The following SLC12A7 variants were observed in gnomAD, a reference collection of about 807,000 sequenced individuals.
The protein encoded by SLC12A7 is K-Cl cotransporter 4.
In SLC12A7, 100 loss-of-function variants were observed where a neutral mutation model predicts 120.6. The ratio of observed to expected loss-of-function variants is 0.83; its 90% CI spans 0.71 to 0.98. The LOEUF (loss-of-function observed/expected upper bound fraction) is 0.98. SLC12A7 is among the 50% of genes least tolerant of loss of function. SLC12A7 has a pLI of 0.00. For synonymous variants in SLC12A7, 760 were observed against 678.0 expected (o/e 1.12, Z -1.88); for missense variants, 1,373 against 1,548.1 (o/e 0.89, Z 1.90).
At chr5:1,096,688 G>T (rs1279803109) in intron 1 of SLC12A7, among the ~76,000 whole-genome samples, 3 of 119,404 alleles carry the variant, frequency 2.5e-5, no homozygotes, top group African/African-American at 1.0e-4. Context: ...AAGGAGGGAG[G>T]GGGGAAGGGA....
chr5:1,099,064 C>T (rs1183733902), intron 1 of SLC12A7, among the ~76,000 whole-genome samples: 3 of 152,020 alleles, frequency 2.0e-5, no homozygotes, highest in African/African-American at 4.8e-5. Context: ...TGCCAGGTGG[C>T]CCACAGTGTC....
intron 20 of SLC12A7, among the ~76,000 whole-genome samples, 171 bp downstream of exon 20, chr5:1,063,673 G>C (rs1428598862): frequency 9.6e-5 from 1 of 10,446 alleles, no homozygotes; most frequent in African/African-American, 3.0e-4. Context: ...CGAGGCCACA[G>C]CCCTCCCGAT....
intron 1 of SLC12A7, among the ~76,000 whole-genome samples, chr5:1,095,663 A>G (rs1365923850): frequency 6.6e-6 from 1 of 152,216 alleles, no homozygotes; most frequent in Non-Finnish European, 1.5e-5. Flanking sequence ...TCATCACTGC[A>G]CCAAACAACC....
At chr5:1,119,954 G>A in the SLC12A7 span, among the ~76,000 whole-genome samples, 9 of 152,196 alleles carry the variant, frequency 5.9e-5, no homozygotes, top group African/African-American at 2.2e-4. Context: ...GTGTCACCAT[G>A]GCCCAGGCAG....
At chr5:1,091,931 C>G (rs546157011) in intron 3 of SLC12A7, among the ~76,000 whole-genome samples, 2 of 152,194 alleles carry the variant, frequency 1.3e-5, no homozygotes, top group African/African-American at 4.8e-5. Context: ...ACAGGGGGGG[C>G]GGCCACAAGC....
At chr5:1,105,449 A>C (rs1312815287) in intron 1 of SLC12A7, among the ~76,000 whole-genome samples, 4 of 152,158 alleles carry the variant, frequency 2.6e-5, no homozygotes, top group Non-Finnish European at 5.9e-5. Context: ...CCACCAGCCA[A>C]AGGGGACCCT....
intron 16 of SLC12A7, among the ~76,000 whole-genome samples, chr5:1,074,235 C>T (rs1314370451): frequency 4.6e-5 from 7 of 151,730 alleles, no homozygotes; most frequent in East Asian, 2.0e-4. Flanking sequence ...GACAATGGCC[C>T]GGGGCACACA....
chr5:1,146,720 C>T, the SLC12A7 span, among the ~76,000 whole-genome samples: 1 of 152,220 alleles, frequency 6.6e-6, no homozygotes, highest in Non-Finnish European at 1.5e-5. The surrounding 1 kb of genome is among the most constrained non-coding windows in gnomAD (Gnocchi z 6.5). Flanking sequence ...CTGGAGGCTT[C>T]ACCTGCATGA....
chr5:1,055,017 CAGTGAGTGCTGG>C (rs1735460128), intron 22 of SLC12A7, among the ~76,000 whole-genome samples: 1 of 152,194 alleles, frequency 6.6e-6, no homozygotes, highest in African/African-American at 2.4e-5. Flanking sequence ...TGTCCACAGC[CAGTGAGTGCTGG>C]GGTGAGGCGG....
In SLC12A7 at chr5:1,079,316, G is replaced by A. The variant is rs1306261000; in HGVS notation, c.1396+82C>T. 5 of 1,078,224 alleles carry A rather than the reference G, an allele frequency of 4.6e-6. No homozygotes were observed. In the East Asian group the frequency reaches 9.4e-5, roughly 20 times the overall value. 66.8% of individuals were successfully genotyped at this position (1,078,224 alleles called of 1,614,324 possible). A position where few individuals can be genotyped will look rare whatever the true frequency, so the allele number is the denominator to read the frequency against. On this transcript the variant is annotated intron_variant, in intron 10 of 23. Transcript: ENST00000264930. ...GGAAGTCACATGCTGGTGGCCGAGG[G>A]TATGATGCTGAGCCGGGGAGGGCAT...
Position 1,052,248 on chromosome 5 carries a change from C to G in SLC12A7, c.*112G>C. On this transcript the variant is annotated 3_prime_UTR_variant, in exon 24 of 24. Transcript: ENST00000264930. ...GAAGCCCCATGGGCAGCTTGGGCGG[C>G]ATCACTGGGGGACAGGTGTGTCTGC... 1 of 906,842 alleles carries G rather than the reference C, an allele frequency of 1.1e-6. No individual in the cohort carries two copies. The highest frequency in any genetic ancestry group is 1.8e-6 in the Non-Finnish European group (1 of 550,416). 56.2% of individuals were successfully genotyped at this position (906,842 alleles called of 1,614,324 possible).
the SLC12A7 span, among the ~76,000 whole-genome samples, chr5:1,123,767 G>C: frequency 3.3e-5 from 5 of 152,234 alleles, no homozygotes; most frequent in Middle Eastern, 3.2e-3. Context: ...ATATCCTGAA[G>C]GTTTAAGCTT....
intron 9 of SLC12A7, among the ~76,000 whole-genome samples, chr5:1,080,092 G>A (rs1051412112): frequency 1.3e-5 from 2 of 152,082 alleles, no homozygotes; most frequent in African/African-American, 4.8e-5. Context: ...GGTGGCCTGG[G>A]AGGCAGCAGA....
the SLC12A7 span, among the ~76,000 whole-genome samples, chr5:1,141,185 T>TATC: frequency 6.6e-6 from 1 of 152,210 alleles, no homozygotes; most frequent in Non-Finnish European, 1.5e-5. Flanking sequence ...CTTCTCCCTG[T>TATC]GTCTCTGTAT....
At chr5:1,153,515 C>T in the SLC12A7 span, among the ~76,000 whole-genome samples, 2 of 152,178 alleles carry the variant, frequency 1.3e-5, no homozygotes, top group Non-Finnish European at 2.9e-5. Flanking sequence ...GAGAATGAGG[C>T]GTGGAGGAGA....
At chr5:1,075,574 C>T (rs1243194255) in intron 14 of SLC12A7, 84 bp from the exon 15 acceptor site, 15 of 1,510,264 alleles carry the variant, frequency 9.9e-6, no homozygotes, top group Non-Finnish European at 1.3e-5. Flanking sequence ...CACTGCCCCT[C>T]CCTCAGTAAA....
chr5:1,098,881 G>A (rs1202180715), intron 1 of SLC12A7, among the ~76,000 whole-genome samples: 1 of 151,778 alleles, frequency 6.6e-6, no homozygotes, highest in East Asian at 1.9e-4. Context: ...AGGGCAGTGA[G>A]TTTTCCTCTG....
upstream of SLC12A7, chr5:1,112,143 A>T (rs1338552605): frequency 2.1e-6 from 2 of 951,548 alleles, no homozygotes; most frequent in Non-Finnish European, 2.7e-6. Context: ...CCGCGGCCCC[A>T]CGAAAAGTTG....
At position 1,083,841 on chromosome 5, in the gene SLC12A7, C is replaced by T. The variant is rs188048901; in HGVS notation, c.1033G>A (p.Gly345Ser). ...TSALWGLFCNGSQPSAACDEY... is the reference protein window; with the variant it reads ...TSALWGLFCNSSQPSAACDEY... Reference sequence around the variant, plus strand: ...TCACAGGCGGCGCTGGGCTGGGAGCCGTTGCAGAAGAGGCCCCAGAGCGCG... The same window carrying T: ...TCACAGGCGGCGCTGGGCTGGGAGCTGTTGCAGAAGAGGCCCCAGAGCGCG... The change falls in exon 8 of 24, where the codon GGC (glycine) becomes AGC (serine). Residue 345 changes from glycine (G) to serine (S), a missense_variant. By Grantham distance (56) the Gly-to-Ser change is moderately conservative. Transcript: ENST00000264930. The T allele has an allele frequency of 2.6e-5, 42 of 1,608,392 alleles. No homozygotes were observed. Among genetic ancestry groups the T allele is most frequent in the African/African-American group, 1.9e-4 (14 of 74,972 alleles).
Sources: gnomAD v4.1 joint callset for allele counts (sites outside exome capture counted in the v4.1 genomes callset) on GRCh38, gnomAD v4.1.1 for gene constraint, Gnocchi (gnomAD v3.1) non-coding constraint, MANE v1.5 for transcripts, NCBI Gene and HGNC (gene_info 2026-07-23, HGNC 2026-07-21) for gene names.